Variants in SUCNR1 observed in about 807,000 individuals in gnomAD.
SUCNR1 encodes G-protein coupled receptor 91.
Under a neutral mutation model 2.4 loss-of-function variants are expected in SUCNR1, and 5 were observed. The observed-to-expected ratio is 2.07, with a 90% confidence interval of 1.08 to 4.36. The LOEUF (loss-of-function observed/expected upper bound fraction) is 4.36, where lower values mean the gene tolerates loss of function less well. Ranked by LOEUF, SUCNR1 falls within the 30% of genes most tolerant of loss-of-function variation. SUCNR1 has a pLI of 0.00. For missense variants in SUCNR1, 373 were observed against 399.2 expected (o/e 0.93, Z 0.56); for synonymous variants, 162 against 143.9 (o/e 1.13, Z -0.90).
intron 1 of SUCNR1, among the ~76,000 whole-genome samples, chr3:151,874,384 G>T (rs1717862117): frequency 6.6e-6 from 1 of 151,482 alleles, no homozygotes; most frequent in Admixed American, 6.6e-5. Context: ...CACCATGTTG[G>T]TCAGGTTGGT....
In SUCNR1 at chr3:151,881,750, T is replaced by A. The variant is rs773563540; in HGVS notation, c.*202T>A. On this transcript the variant is annotated 3_prime_UTR_variant, in exon 3 of 3. Coordinates refer to ENST00000362032, the MANE Select transcript of SUCNR1 (RefSeq NM_033050.6). Reference sequence around the variant, plus strand: ...AATTGAAAGGAGTTGAACTGCCTTATGTTTGGGCATGTAACTCCAAAATAC... The same window carrying A: ...AATTGAAAGGAGTTGAACTGCCTTAAGTTTGGGCATGTAACTCCAAAATAC... 1.9e-6 allele frequency: 1 copy of A among 532,380 alleles called. No individual in the cohort carries two copies. Among genetic ancestry groups the A allele is most frequent in the African/African-American group, 1.9e-5 (1 of 52,626 alleles). 33.0% of individuals were successfully genotyped at this position (532,380 alleles called of 1,614,324 possible). A position where few individuals can be genotyped will look rare whatever the true frequency, so the allele number is the denominator to read the frequency against.
In SUCNR1 at chr3:151,880,542, TTC is replaced by T; in HGVS notation, c.16-9_16-8del. Reference sequence around the variant, plus strand: ...CAGTCTAGTGTTTAATCCTTATATTTTCTCTCTCTTCTTTAGGCATGGAATGC... The same window carrying T: ...CAGTCTAGTGTTTAATCCTTATATTTTCTCTCTTCTTTAGGCATGGAATGC... On this transcript the variant is annotated splice_polypyrimidine_tract_variant and intron_variant, in intron 2 of 2. Coordinates refer to ENST00000362032, the MANE Select transcript of SUCNR1 (RefSeq NM_033050.6). 6.4e-7 allele frequency: 1 copy of T among 1,567,820 alleles called. No homozygotes were observed. The highest frequency in any genetic ancestry group is 8.6e-7 in the Non-Finnish European group (1 of 1,158,148).
In SUCNR1 at chr3:151,884,105, T is replaced by C. The variant is rs1005780618; in HGVS notation, c.*2557T>C. ...CTACTTATTTGAATTTCATTATTTT[T>C]ATTATAGTTTATTATTGTCTTCATA... On this transcript the variant is annotated 3_prime_UTR_variant, in exon 3 of 3. Coordinates refer to ENST00000362032, the MANE Select transcript of SUCNR1 (RefSeq NM_033050.6). 4 of 152,256 alleles carry C rather than the reference T, an allele frequency of 2.6e-5. No individual in the cohort carries two copies. The highest frequency in any genetic ancestry group is 2.6e-4 in the Admixed American group (4 of 15,286). The allele number at this position is 152,256 out of a possible 1,614,324, so 9.4% of individuals were successfully genotyped here.
chr3:151,881,836 G>T lies in SUCNR1; in HGVS notation c.*288G>T. ...TGGAAGATATATAAAGCAACAAGTT[G>T]TCTGCATTTGATCACTGGTCAGATT... On this transcript the variant is annotated 3_prime_UTR_variant, in exon 3 of 3. Coordinates refer to ENST00000362032, the MANE Select transcript of SUCNR1 (RefSeq NM_033050.6). The T allele has an allele frequency of 4.0e-6, 1 of 248,450 alleles. No individual in the cohort carries two copies. Among genetic ancestry groups the T allele is most frequent in the Non-Finnish European group, 7.7e-6 (1 of 129,686 alleles). 15.4% of individuals were successfully genotyped at this position (248,450 alleles called of 1,614,324 possible). A position where few individuals can be genotyped will look rare whatever the true frequency, so the allele number is the denominator to read the frequency against.
chr3:151,880,957 T>C lies in SUCNR1; in HGVS notation c.414T>C (p.Phe138=). The change falls in exon 3 of 3, where the codon TTT becomes TTC. Residue 138 remains phenylalanine, a synonymous_variant. Coordinates refer to ENST00000362032, the MANE Select transcript of SUCNR1 (RefSeq NM_033050.6). ...FREHLLQKKE[F]AILISLAIWV... Reference sequence around the variant, plus strand: ...AACACCTTCTGCAAAAGAAAGAGTTTGCTATTTTAATCTCCTTGGCCATTT... The same window carrying C: ...AACACCTTCTGCAAAAGAAAGAGTTCGCTATTTTAATCTCCTTGGCCATTT... 6.2e-7 allele frequency: 1 copy of C among 1,614,126 alleles called. No individual in the cohort carries two copies. Among genetic ancestry groups the C allele is most frequent in the East Asian group, 2.2e-5 (1 of 44,888 alleles).
At position 151,880,593 on chromosome 3, in the gene SUCNR1, C is replaced by A. The variant is rs778063033; in HGVS notation, c.50C>A (p.Ala17Glu). Residue 17 changes from alanine to glutamate, a missense_variant, in exon 3 of 3, where the codon GCA becomes GAA. Ala to Glu is a moderately radical substitution (Grantham distance 107, BLOSUM62 -1). Coordinates refer to ENST00000362032, the MANE Select transcript of SUCNR1 (RefSeq NM_033050.6). ...WNATCKNWLAAEAALEKYYLS... is the reference protein window; with the variant it reads ...WNATCKNWLAEEAALEKYYLS... ...GCAACTTGCAAAAACTGGCTGGCAG[C>A]AGAGGCTGCCCTGGAAAAGTACTAC... The A allele has an allele frequency of 1.1e-5, 17 of 1,609,960 alleles. No homozygotes were observed. The Admixed American group carries it at 2.5e-4, about 24-fold the overall frequency.
At chr3:151,875,592 T>A (rs1717901828) in intron 1 of SUCNR1, among the ~76,000 whole-genome samples, 1 of 152,228 alleles carries the variant, frequency 6.6e-6, no homozygotes, top group South Asian at 2.1e-4. Context: ...AGGTAAATAT[T>A]AAAATGTAAA....
Position 151,882,882 on chromosome 3 carries a change from A to G in SUCNR1, c.*1334A>G, listed in dbSNP as rs759524758. ...CCTTGATATGCAACATAAAGTACCT[A>G]TGGCCACATATCTAAGTTCCTTTCC... is the stretch of plus-strand genomic sequence containing the variant. On this transcript the variant is annotated 3_prime_UTR_variant, in exon 3 of 3. Coordinates refer to ENST00000362032, the MANE Select transcript of SUCNR1 (RefSeq NM_033050.6). The G allele has an allele frequency of 3.3e-5, 5 of 152,116 alleles. No individual in the cohort carries two copies. Among genetic ancestry groups the G allele is most frequent in the Non-Finnish European group, 7.4e-5 (5 of 67,966 alleles). 9.4% of individuals were successfully genotyped at this position (152,116 alleles called of 1,614,324 possible). A position where few individuals can be genotyped will look rare whatever the true frequency, so the allele number is the denominator to read the frequency against.
Position 151,883,629 on chromosome 3 carries a change from AG to A in SUCNR1, c.*2082del, listed in dbSNP as rs1718169292. 1 of 151,552 alleles carries A rather than the reference AG, an allele frequency of 6.6e-6. No homozygotes were observed. The highest frequency in any genetic ancestry group is 6.6e-5 in the Admixed American group (1 of 15,198). 9.4% of individuals were successfully genotyped at this position (151,552 alleles called of 1,614,324 possible). A position where few individuals can be genotyped will look rare whatever the true frequency, so the allele number is the denominator to read the frequency against. ...TAGGGCCCTAAACTAAAATTATAAG[AG>A]CTATTTCATTTGCTTGTTGTACTGG... is the stretch of plus-strand genomic sequence containing the variant. On this transcript the variant is annotated 3_prime_UTR_variant, in exon 3 of 3. Transcript: ENST00000362032.
intron 1 of SUCNR1, among the ~76,000 whole-genome samples, chr3:151,876,891 TC>T (rs1472081208): frequency 6.6e-6 from 1 of 152,138 alleles, no homozygotes; most frequent in African/African-American, 2.4e-5. Context: ...GATTTATAGA[TC>T]ACCTACTATC....
intron 1 of SUCNR1, among the ~76,000 whole-genome samples, chr3:151,879,345 C>A (rs1372809062): frequency 6.6e-6 from 1 of 152,198 alleles, no homozygotes; most frequent in African/African-American, 2.4e-5. Context: ...ATATTGGTGT[C>A]TCCTCAAAAT....
chr3:151,877,285 G>A (rs1717952398), intron 1 of SUCNR1, among the ~76,000 whole-genome samples: 2 of 152,102 alleles, frequency 1.3e-5, no homozygotes, highest in Non-Finnish European at 2.9e-5. Flanking sequence ...TCCCCATTAA[G>A]GATTTTAGAC....
chr3:151,880,486 A>G, intron 2 of SUCNR1, 73 bp from the exon 3 acceptor site: 2 of 1,118,160 alleles, frequency 1.8e-6, no homozygotes, highest in East Asian at 2.4e-5. Context: ...TTTCATTATT[A>G]TTATGTTCTG....
At chr3:151,875,835 C>T (rs1442770771) in intron 1 of SUCNR1, among the ~76,000 whole-genome samples, 1 of 152,182 alleles carries the variant, frequency 6.6e-6, no homozygotes, top group Non-Finnish European at 1.5e-5. Flanking sequence ...CTTCAATCCC[C>T]GACCTTCTGG....
intron 1 of SUCNR1, among the ~76,000 whole-genome samples, chr3:151,876,612 CTTAA>C (rs1717931568): frequency 6.6e-6 from 1 of 152,030 alleles, no homozygotes; most frequent in African/African-American, 2.4e-5. Context: ...GGTGTCATTT[CTTAA>C]TTAAATGCTT....
rs371156674 is a variant in SUCNR1 at position 151,879,878 on chromosome 3, T to C, written c.-15T>C. ...TTATGGTTTAACTCAGCAGAATTTG[T>C]TGAACAACTACGACATGCTGGGGAT... On this transcript the variant is annotated 5_prime_UTR_variant, in exon 2 of 3. Transcript: ENST00000362032. 20 of 1,574,392 alleles carry C rather than the reference T, an allele frequency of 1.3e-5. No individual in the cohort carries two copies. Among genetic ancestry groups the C allele is most frequent in the Non-Finnish European group, 1.4e-5 (16 of 1,159,606 alleles).
chr3:151,881,553 C>T lies in SUCNR1; in HGVS notation c.*5C>T, dbSNP rs201281841. On this transcript the variant is annotated 3_prime_UTR_variant, in exon 3 of 3. Coordinates refer to ENST00000362032, the MANE Select transcript of SUCNR1 (RefSeq NM_033050.6). ...CTTTCATTCAGAGAAAAGTGAGGGG[C>T]TTGTGAAACAGATTGTTCTACAGAT... The T allele has an allele frequency of 5.7e-5, 90 of 1,577,790 alleles. 3 individuals carry two copies. Among genetic ancestry groups the T allele is most frequent in the Admixed American group, 3.5e-4 (19 of 53,574 alleles).
intron 1 of SUCNR1, among the ~76,000 whole-genome samples, chr3:151,875,335 A>C (rs1717890791): frequency 1.3e-5 from 2 of 152,252 alleles, no homozygotes; most frequent in South Asian, 2.1e-4. Context: ...GGAGCAACTT[A>C]CTTCATATGT....
At chr3:151,878,928 T>C (rs190714578) in intron 1 of SUCNR1, among the ~76,000 whole-genome samples, 2 of 152,324 alleles carry the variant, frequency 1.3e-5, no homozygotes, top group Admixed American at 6.5e-5. Context: ...CTACTGAATT[T>C]TGCATGCTTC....
Sources: allele counts gnomAD v4.1 joint callset (sites outside exome capture counted in the v4.1 genomes callset), GRCh38; gene constraint gnomAD v4.1.1; transcripts MANE v1.5; gene names NCBI Gene and HGNC (gene_info 2026-07-23, HGNC 2026-07-21).